The following BMAL2 variants were observed in gnomAD, a reference collection of about 807,000 sequenced individuals.
BMAL2 encodes the protein basic helix-loop-helix ARNT-like protein 2.
chr12:27,405,795 G>T, the BMAL2 span, among the ~76,000 whole-genome samples: 1 of 151,514 alleles, frequency 6.6e-6, no homozygotes, highest in Non-Finnish European at 1.5e-5. Flanking sequence ...AAACTACTCC[G>T]AGCTAAAGGA....
chr12:27,349,505 C>T, the BMAL2 span, among the ~76,000 whole-genome samples: 4 of 152,124 alleles, frequency 2.6e-5, no homozygotes, highest in Non-Finnish European at 4.4e-5. Flanking sequence ...TAATCTTGCT[C>T]CACAGCAGTT....
the BMAL2 span, chr12:27,415,880 C>A: frequency 6.2e-7 from 1 of 1,606,610 alleles, no homozygotes; most frequent in Non-Finnish European, 8.5e-7. Context: ...TTACAGTCTT[C>A]TTCATACCTT....
At chr12:27,413,052 A>G in the BMAL2 span, among the ~76,000 whole-genome samples, 1 of 151,970 alleles carries the variant, frequency 6.6e-6, no homozygotes, top group South Asian at 2.1e-4. Context: ...GCTGTCCTTC[A>G]GAAATGTAAG....
chr12:27,389,927 A>G, the BMAL2 span: 1 of 573,130 alleles, frequency 1.7e-6, no homozygotes. Flanking sequence ...TGACAAATAC[A>G]TTTTTTGGGT....
chr12:27,403,414 T>C, the BMAL2 span: 1 of 1,426,302 alleles, frequency 7.0e-7, no homozygotes, highest in Non-Finnish European at 9.9e-7. Context: ...ACTGAATTTC[T>C]CCTTTTGCTG....
chr12:27,363,319 AAG>A, the BMAL2 span, among the ~76,000 whole-genome samples: 1 of 152,216 alleles, frequency 6.6e-6, no homozygotes, highest in South Asian at 2.1e-4. Context: ...AATACACAGT[AAG>A]AGTTTTCCAT....
At chr12:27,382,559 T>G in the BMAL2 span, among the ~76,000 whole-genome samples, 3 of 152,330 alleles carry the variant, frequency 2.0e-5, no homozygotes, top group African/African-American at 7.2e-5. Flanking sequence ...TCAGCTCTGC[T>G]GAACAGAAGT....
At chr12:27,363,019 G>A in the BMAL2 span, among the ~76,000 whole-genome samples, 1 of 152,064 alleles carries the variant, frequency 6.6e-6, no homozygotes, top group African/African-American at 2.4e-5. Context: ...TGCCCAGGCT[G>A]GTCTCAAACT....
chr12:27,362,059 T>C, the BMAL2 span, among the ~76,000 whole-genome samples: 1 of 152,148 alleles, frequency 6.6e-6, no homozygotes, highest in African/African-American at 2.4e-5. Flanking sequence ...TTTCTGTCTC[T>C]GAACTTATGT....
At chr12:27,403,474 A>T in the BMAL2 span, 1 of 1,611,698 alleles carries the variant, frequency 6.2e-7, no homozygotes, top group Non-Finnish European at 8.5e-7. Context: ...TGGAATGTCT[A>T]CTGGAACAGT....
chr12:27,388,103 G>GCA, the BMAL2 span, among the ~76,000 whole-genome samples: 4,581 of 148,296 alleles, frequency 0.031, 162 homozygotes, highest in African/African-American at 0.087. Context: ...ACACATGCAC[G>GCA]CACACACACA....
chr12:27,385,913 G>A, the BMAL2 span, among the ~76,000 whole-genome samples: 1 of 151,952 alleles, frequency 6.6e-6, no homozygotes, highest in Admixed American at 6.6e-5. Context: ...TGTTCTTCTC[G>A]GAGGCCAGTC....
chr12:27,407,087 A>G, the BMAL2 span, among the ~76,000 whole-genome samples: 4 of 152,250 alleles, frequency 2.6e-5, no homozygotes, highest in East Asian at 7.7e-4. Context: ...ACCCAGATTC[A>G]TAAAGCAAGT....
At chr12:27,393,551 A>G in the BMAL2 span, among the ~76,000 whole-genome samples, 7,957 of 152,296 alleles carry the variant, frequency 0.052, 252 homozygotes, top group Middle Eastern at 0.075. Flanking sequence ...GCAGTGCTCA[A>G]GCCTAGGACT....
At chr12:27,334,757 G>T in the BMAL2 span, among the ~76,000 whole-genome samples, 1 of 152,334 alleles carries the variant, frequency 6.6e-6, no homozygotes, top group African/African-American at 2.4e-5. Context: ...TTAATTAAGG[G>T]TAGCAATGTT....
chr12:27,401,237 A>G, the BMAL2 span: 1 of 1,590,720 alleles, frequency 6.3e-7, no homozygotes, highest in Non-Finnish European at 8.6e-7. Context: ...TCTGAAGTTT[A>G]TTTTCAATTT....
At chr12:27,406,113 C>A in the BMAL2 span, among the ~76,000 whole-genome samples, 7 of 152,196 alleles carry the variant, frequency 4.6e-5, no homozygotes, top group Non-Finnish European at 7.3e-5. Context: ...AAATCTACGT[C>A]TGATTGGTGT....
At chr12:27,378,820 CAG>C in the BMAL2 span, among the ~76,000 whole-genome samples, 1 of 151,968 alleles carries the variant, frequency 6.6e-6, no homozygotes, top group African/African-American at 2.4e-5. Context: ...AAGATGATGA[CAG>C]AGGGGATGGA....
chr12:27,374,506 C>G, the BMAL2 span, among the ~76,000 whole-genome samples: 1 of 152,082 alleles, frequency 6.6e-6, no homozygotes, highest in South Asian at 2.1e-4. Flanking sequence ...GAGCCAGTCC[C>G]CCATGGATGC....
Sources: gnomAD v4.1 joint callset for allele counts (sites outside exome capture counted in the v4.1 genomes callset) on GRCh38, gnomAD v4.1.1 for gene constraint, MANE v1.5 for transcripts, NCBI Gene and HGNC (gene_info 2026-07-23, HGNC 2026-07-21) for gene names.